TNKS: variants seen among roughly 807,000 people sequenced by gnomAD.
TNKS encodes poly [ADP-ribose] polymerase tankyrase-1.
In TNKS, 72 loss-of-function variants were observed where a neutral mutation model predicts 135.8. That is an observed-to-expected ratio of 0.53 (90% CI 0.44 to 0.64). The LOEUF (loss-of-function observed/expected upper bound fraction) is 0.64. Among genes scored for constraint, TNKS ranks in the 30% least tolerant of loss-of-function variants. The pLI is 0.00. For missense variants in TNKS, 1,769 were observed against 1,674.0 expected, an observed-to-expected ratio of 1.06 and a Z score of -0.99; for synonymous variants, 849 against 649.3, an observed-to-expected ratio of 1.31 and a Z score of -4.68.
chr8:9,635,784 C>T (rs1800487108), intron 3 of TNKS, among the ~76,000 whole-genome samples: 1 of 152,002 alleles, frequency 6.6e-6, no homozygotes, highest in Non-Finnish European at 1.5e-5. Context: ...GTTCATTCTA[C>T]GAAATAGCCT....
At chr8:9,571,948 A>T (rs1797773536) in intron 1 of TNKS, among the ~76,000 whole-genome samples, 1 of 152,152 alleles carries the variant, frequency 6.6e-6, no homozygotes, top group African/African-American at 2.4e-5. Flanking sequence ...CTTAGCTCAT[A>T]ATATCACTTT....
At chr8:9,613,352 T>A (rs4841183) in intron 2 of TNKS, among the ~76,000 whole-genome samples, 43,782 of 152,002 alleles carry the variant, frequency 0.29, 6,604 homozygotes, top group East Asian at 0.39. Flanking sequence ...GCACCTTTGC[T>A]TGTCACTTTA....
chr8:9,641,195 A>T (rs1468578628), intron 3 of TNKS, among the ~76,000 whole-genome samples: 1 of 145,316 alleles, frequency 6.9e-6, no homozygotes, highest in Non-Finnish European at 1.5e-5. Flanking sequence ...TTCCTTAAAG[A>T]TATTTCTTAA....
chr8:9,569,066 C>T (rs1472449817), intron 1 of TNKS, among the ~76,000 whole-genome samples: 1 of 151,940 alleles, frequency 6.6e-6, no homozygotes, highest in South Asian at 2.1e-4. Context: ...CCACTAATCT[C>T]ATCAGAAAAG....
intron 25 of TNKS, among the ~76,000 whole-genome samples, chr8:9,769,612 CT>C (rs1163803220): frequency 0.17 from 12,652 of 73,792 alleles, 146 homozygotes; most frequent in East Asian, 0.24. Context: ...CAGGCATTTT[CT>C]TTTTTTTTTT....
At chr8:9,697,730 A>G (rs1313240755) in intron 5 of TNKS, among the ~76,000 whole-genome samples, 3 of 152,190 alleles carry the variant, frequency 2.0e-5, no homozygotes, top group Non-Finnish European at 2.9e-5. Context: ...CACAACCACA[A>G]TGAGATACTG....
intron 2 of TNKS, among the ~76,000 whole-genome samples, chr8:9,593,912 A>T (rs751097335): frequency 1.7e-3 from 265 of 151,784 alleles, no homozygotes; most frequent in Non-Finnish European, 2.8e-3. Context: ...TTTGAGACGG[A>T]GTCTCACTCT....
At chr8:9,681,972 A>G (rs1286886901) in intron 5 of TNKS, among the ~76,000 whole-genome samples, 1 of 152,158 alleles carries the variant, frequency 6.6e-6, no homozygotes, top group East Asian at 1.9e-4. Flanking sequence ...TAGAAGGTTA[A>G]ATTACACATA....
At chr8:9,669,372 T>G (rs922350634) in intron 3 of TNKS, among the ~76,000 whole-genome samples, 2 of 146,582 alleles carry the variant, frequency 1.4e-5, no homozygotes, top group African/African-American at 5.1e-5. Flanking sequence ...GAGCCGAGAT[T>G]GCGCCACTGC....
chr8:9,565,248 G>T (rs1274749870), intron 1 of TNKS, among the ~76,000 whole-genome samples: 7 of 151,974 alleles, frequency 4.6e-5, no homozygotes, highest in Admixed American at 4.6e-4. Context: ...GAGTGTGTCA[G>T]CTCCCCATTC....
At chr8:9,622,919 A>G (rs898903629) in intron 3 of TNKS, among the ~76,000 whole-genome samples, 1 of 152,216 alleles carries the variant, frequency 6.6e-6, no homozygotes, top group Non-Finnish European at 1.5e-5. Flanking sequence ...TGTACAGACT[A>G]TGGTTTTTCC....
intron 2 of TNKS, among the ~76,000 whole-genome samples, chr8:9,595,051 G>A (rs1429414237): frequency 6.6e-6 from 1 of 152,068 alleles, no homozygotes; most frequent in East Asian, 1.9e-4. Context: ...TTTCATTAAT[G>A]TCTTTCCTTT....
At chr8:9,610,384 T>C (rs1337549563) in intron 2 of TNKS, among the ~76,000 whole-genome samples, 3 of 151,580 alleles carry the variant, frequency 2.0e-5, no homozygotes, top group African/African-American at 7.3e-5. Flanking sequence ...TATAATGGCA[T>C]AGTTTATGCC....
At chr8:9,704,492 A>T (rs1037653219) in intron 5 of TNKS, among the ~76,000 whole-genome samples, 171 bp from the exon 6 acceptor site, 2 of 151,960 alleles carry the variant, frequency 1.3e-5, no homozygotes, top group Non-Finnish European at 2.9e-5. Flanking sequence ...GTTAGTATTG[A>T]CTCCTGAGGG....
intron 2 of TNKS, among the ~76,000 whole-genome samples, chr8:9,595,819 A>T (rs1305016055): frequency 6.6e-6 from 1 of 152,134 alleles, no homozygotes; most frequent in African/African-American, 2.4e-5. Context: ...GTTCAAAACA[A>T]TCTATGGGTT....
At chr8:9,594,740 T>A (rs968177848) in intron 2 of TNKS, among the ~76,000 whole-genome samples, 1 of 152,226 alleles carries the variant, frequency 6.6e-6, no homozygotes, top group African/African-American at 2.4e-5. Flanking sequence ...ATTTAGGCTA[T>A]TTTTGTACCA....
chr8:9,628,259 G>T (rs1248219883), intron 3 of TNKS, among the ~76,000 whole-genome samples: 1 of 152,076 alleles, frequency 6.6e-6, no homozygotes, highest in Non-Finnish European at 1.5e-5. Context: ...AACTGCCCAT[G>T]GTTGCTCACT....
rs772167988 is a variant in TNKS, at chr8:9,556,346, C to A, written c.407C>A (p.Thr136Asn). The A allele has an allele frequency of 6.2e-7, 1 of 1,614,266 alleles. No homozygotes were observed. The highest frequency in any genetic ancestry group is 8.5e-7 in the Non-Finnish European group (1 of 1,180,050). The stretch of plus-strand genomic sequence containing the variant: ...TCACCGTCGTCCTCTTCTTCCCCGA[C>A]TTCTTCCTCATCTTCCTCTCCATCC... ...NNSPSSSSSP[T>N]SSSSSSPSSP... is the part of the protein sequence containing the mutation. The change falls in exon 1 of 27, where the codon ACT becomes AAT. Residue 136 changes from threonine to asparagine, a missense_variant. Physicochemically the swap from Thr to Asn is moderately conservative, Grantham distance 65. This residue lies in a region of TNKS where 450 missense variants were observed against 304.9 expected (regional missense o/e 1.48). Transcript: ENST00000310430.
intron 5 of TNKS, among the ~76,000 whole-genome samples, chr8:9,699,369 C>G (rs1485474778): frequency 2.0e-5 from 3 of 152,174 alleles, no homozygotes; most frequent in Admixed American, 6.5e-5. Flanking sequence ...CAGGAGACAG[C>G]ATTTGGTAAA....
Sources: allele counts gnomAD v4.1 joint callset (sites outside exome capture counted in the v4.1 genomes callset), GRCh38; gene constraint gnomAD v4.1.1; regional missense constraint gnomAD v4.1.1; transcripts MANE v1.5; gene names NCBI Gene and HGNC (gene_info 2026-07-23, HGNC 2026-07-21).